LEPROT: variants seen among roughly 807,000 people sequenced by gnomAD.
LEPROT encodes leptin receptor overlapping transcript.
A neutral mutation model predicts 15.4 loss-of-function variants in LEPROT; 3 were observed. The ratio of observed to expected loss-of-function variants is 0.19; its 90% confidence interval spans 0.09 to 0.50. The LOEUF is 0.50. Among genes scored for constraint, LEPROT ranks in the 20% least tolerant of loss-of-function variants. The pLI, the probability that LEPROT is intolerant of heterozygous loss-of-function variation, is 0.97. For synonymous variants in LEPROT, 59 were observed against 57.5 expected (o/e 1.03, Z -0.12); for missense variants, 137 against 162.2 (o/e 0.84, Z 0.84).
At chr1:65,425,453 C>T (rs571925377) in intron 2 of LEPROT, 75 bp downstream of exon 2, 359 of 1,314,448 alleles carry the variant, frequency 2.7e-4, no homozygotes, top group East Asian at 2.6e-3. Flanking sequence ...TTAGAGAGTT[C>T]GGTCAATTTA....
Position 65,425,318 on chromosome 1 carries a change from C to G in LEPROT, c.32C>G (p.Ser11Cys). 1 of 1,611,698 alleles carries G rather than the reference C, an allele frequency of 6.2e-7. No homozygotes were observed. Among genetic ancestry groups the G allele is most frequent in the South Asian group, 1.1e-5 (1 of 90,522 alleles). MAGVKALVALSFSGAIGLTFL... is the reference protein window; with the variant it reads MAGVKALVALCFSGAIGLTFL... ...TTTTTCACAGCTCTCGTGGCATTATCCTTCAGTGGGGCTATTGGACTGACT... is the reference window on the plus strand; with the variant it reads ...TTTTTCACAGCTCTCGTGGCATTATGCTTCAGTGGGGCTATTGGACTGACT... Residue 11 changes from serine (S) to cysteine (C), a missense_variant, in exon 2 of 4, where the codon TCC (serine) becomes TGC (cysteine). Ser to Cys is a moderately radical substitution (Grantham distance 112). Transcript: ENST00000371065.
intron 2 of LEPROT, chr1:65,427,796 C>A: frequency 2.4e-6 from 1 of 411,080 alleles, no homozygotes; most frequent in Non-Finnish European, 4.9e-6. Flanking sequence ...GCCACAACAC[C>A]CAGCTGATTT....
At chr1:65,422,807 T>G (rs947725218) in intron 1 of LEPROT, among the ~76,000 whole-genome samples, 2 of 152,126 alleles carry the variant, frequency 1.3e-5, no homozygotes, top group Non-Finnish European at 2.9e-5. Context: ...TAGGAGTGAG[T>G]CAGGCGATGG....
chr1:65,426,117 C>T (rs553468200), intron 2 of LEPROT, among the ~76,000 whole-genome samples: 4 of 134,020 alleles, frequency 3.0e-5, no homozygotes, highest in Non-Finnish European at 5.9e-5. Flanking sequence ...TCAGGGAGGG[C>T]CTCTCAGAGG....
chr1:65,431,945 G>T lies in LEPROT; in HGVS notation c.*26G>T, dbSNP rs376167161. ...CACTTTATTCTGATTACAGTGCATT[G>T]AATTTCTTAGAACTCATACTATCTG... On this transcript the variant is annotated 3_prime_UTR_variant, in exon 4 of 4. Transcript: ENST00000371065. 1.9e-6 allele frequency: 3 copies of T among 1,606,032 alleles called. No homozygotes were observed. Among genetic ancestry groups the T allele is most frequent in the Non-Finnish European group, 8.5e-7 (1 of 1,177,628 alleles).
At position 65,433,358 on chromosome 1, in the gene LEPROT, A is replaced by G; in HGVS notation, c.*1439A>G. ...ACTTTATGCCACCCTTAAATGAATCATTGGGTATACCTGTCATGTTGGATC... is the reference window on the plus strand; with the variant it reads ...ACTTTATGCCACCCTTAAATGAATCGTTGGGTATACCTGTCATGTTGGATC... On this transcript the variant is annotated 3_prime_UTR_variant, in exon 4 of 4. Transcript: ENST00000371065. 1.0e-6 allele frequency: 1 copy of G among 985,402 alleles called. No individual in the cohort carries two copies. The highest frequency in any genetic ancestry group is 1.2e-6 in the Non-Finnish European group (1 of 829,912). The allele number at this position is 985,402 out of a possible 1,614,324, so 61.0% of individuals were successfully genotyped here.
Position 65,434,658 on chromosome 1 carries a change from C to G in LEPROT, c.*2739C>G. The G allele has an allele frequency of 2.0e-6, 2 of 985,420 alleles. No homozygotes were observed. The highest frequency in any genetic ancestry group is 2.4e-6 in the Non-Finnish European group (2 of 829,948). The allele number at this position is 985,420 out of a possible 1,614,324, so 61.0% of individuals were successfully genotyped here. A position where few individuals can be genotyped will look rare whatever the true frequency, so the allele number is the denominator to read the frequency against. On this transcript the variant is annotated 3_prime_UTR_variant, in exon 4 of 4. Coordinates refer to ENST00000371065, the MANE Select transcript of LEPROT (RefSeq NM_017526.5). ...GGAAGGACAGTGCAACTTTCCACCC[C>G]TTTTCCTAAGAACAAGGTCTTTCTC... is the stretch of plus-strand genomic sequence containing the variant.
chr1:65,423,287 T>C (rs565259906), intron 1 of LEPROT, among the ~76,000 whole-genome samples: 2 of 151,166 alleles, frequency 1.3e-5, no homozygotes, highest in South Asian at 2.1e-4. Flanking sequence ...TCAGCAGGAG[T>C]GCGTGGAGTG....
Position 65,434,806 on chromosome 1 carries a change from G to A in LEPROT, c.*2887G>A, listed in dbSNP as rs754853820. ...ACTGGGCTCCATCCTCCCTCCTGAG[G>A]TTCTTCATATTCCAGAGTCACCCAC... On this transcript the variant is annotated 3_prime_UTR_variant, in exon 4 of 4. Coordinates refer to ENST00000371065, the MANE Select transcript of LEPROT (RefSeq NM_017526.5). 86 of 985,386 alleles carry A rather than the reference G, an allele frequency of 8.7e-5. No homozygotes were observed. Among genetic ancestry groups the A allele is most frequent in the Non-Finnish European group, 9.9e-5 (82 of 830,004 alleles). The allele number at this position is 985,386 out of a possible 1,614,324, so 61.0% of individuals were successfully genotyped here. A position where few individuals can be genotyped will look rare whatever the true frequency, so the allele number is the denominator to read the frequency against.
At chr1:65,429,285 A>G (rs1361290564) in intron 2 of LEPROT, among the ~76,000 whole-genome samples, 3 of 152,190 alleles carry the variant, frequency 2.0e-5, no homozygotes, top group Admixed American at 6.5e-5. Flanking sequence ...AGCTAGCGCA[A>G]AGGCCCCAGG....
At chr1:65,424,878 G>A (rs1646328464) in intron 1 of LEPROT, among the ~76,000 whole-genome samples, 1 of 152,126 alleles carries the variant, frequency 6.6e-6, no homozygotes, top group South Asian at 2.1e-4. Context: ...ATCTCCCAAA[G>A]GTCCACCTCC....
chr1:65,427,729 G>A, intron 2 of LEPROT: 1 of 363,650 alleles, frequency 2.7e-6, no homozygotes, highest in East Asian at 8.0e-5. Flanking sequence ...ACTCATTACT[G>A]CTACTACAAA....
chr1:65,425,275 CT>C, intron 1 of LEPROT, 27 bp from the exon 2 acceptor site: 1 of 1,608,656 alleles, frequency 6.2e-7, no homozygotes, highest in Non-Finnish European at 8.5e-7. Flanking sequence ...ACTGTGGGAA[CT>C]TTAACTTTTG....
rs1457505281 is a variant in LEPROT, at chr1:65,424,941, AT to A, written c.17-359del. Among the ~76,000 whole-genome samples the A allele has an allele frequency of 2.0e-4, 30 of 152,338 alleles. 1 individual carries two copies. The East Asian group carries it at 5.8e-3, about 29-fold the overall frequency. On this transcript the variant is annotated intron_variant, in intron 1 of 3. Transcript: ENST00000371065. ...GAGCCGGGAAGGTTTCAACATGTGA[AT>A]TTGAAAGGGACACACATAATGCAGT...
At chr1:65,430,884 C>T (rs1342136068) in intron 3 of LEPROT, among the ~76,000 whole-genome samples, 1 of 152,112 alleles carries the variant, frequency 6.6e-6, no homozygotes, top group Non-Finnish European at 1.5e-5. Flanking sequence ...TTCCGACTGG[C>T]ATTTGATATG....
intron 3 of LEPROT, among the ~76,000 whole-genome samples, chr1:65,431,171 C>A (rs1176265459): frequency 6.6e-6 from 1 of 152,108 alleles, no homozygotes; most frequent in Non-Finnish European, 1.5e-5. Flanking sequence ...TGCTTTAGAC[C>A]AGCCCTTCTT....
chr1:65,422,091 A>C (rs879466078), intron 1 of LEPROT, among the ~76,000 whole-genome samples: 30 of 152,194 alleles, frequency 2.0e-4, no homozygotes, highest in Non-Finnish European at 4.1e-4. Context: ...TTTGTCCTCC[A>C]AAAAGATGTG....
Position 65,435,722 on chromosome 1 carries a change from A to G in LEPROT, c.*3803A>G. ...AGATTTTGTATCCCAATAGAACCAAAATATTTATGAGGATGCTAGCATTTT... is the reference window on the plus strand; with the variant it reads ...AGATTTTGTATCCCAATAGAACCAAGATATTTATGAGGATGCTAGCATTTT... On this transcript the variant is annotated 3_prime_UTR_variant, in exon 4 of 4. Coordinates refer to ENST00000371065, the MANE Select transcript of LEPROT (RefSeq NM_017526.5). 1 of 985,314 alleles carries G rather than the reference A, an allele frequency of 1.0e-6. No individual in the cohort carries two copies. Among genetic ancestry groups the G allele is most frequent in the Non-Finnish European group, 1.2e-6 (1 of 829,912 alleles). The allele number at this position is 985,314 out of a possible 1,614,324, so 61.0% of individuals were successfully genotyped here. A position where few individuals can be genotyped will look rare whatever the true frequency, so the allele number is the denominator to read the frequency against.
chr1:65,422,671 G>A (rs1185521417), intron 1 of LEPROT, among the ~76,000 whole-genome samples: 1 of 152,220 alleles, frequency 6.6e-6, no homozygotes, highest in Non-Finnish European at 1.5e-5. Flanking sequence ...ATCCCAAGTG[G>A]GGAGGACAGC....
Sources: gnomAD v4.1 joint callset for allele counts (sites outside exome capture counted in the v4.1 genomes callset) on GRCh38, gnomAD v4.1.1 for gene constraint, MANE v1.5 for transcripts, NCBI Gene and HGNC (gene_info 2026-07-23, HGNC 2026-07-21) for gene names.